Variants in PLCL1 observed in about 807,000 individuals in gnomAD.
The protein encoded by PLCL1 is phospholipase C like 1 (inactive).
PLCL1 carries 41 observed loss-of-function variants against 84.4 expected under a neutral mutation model. The ratio of observed to expected loss-of-function variants is 0.49; its 90% CI spans 0.38 to 0.63. PLCL1 has a LOEUF of 0.63. Among genes scored for constraint, PLCL1 ranks in the 30% least tolerant of loss-of-function variants. The pLI, the probability that PLCL1 is intolerant of heterozygous loss-of-function variation, is 0.00. For missense variants in PLCL1, 1,206 were observed against 1,367.8 expected, an observed-to-expected ratio of 0.88 and a Z score of 1.87; for synonymous variants, 490 against 488.3, an observed-to-expected ratio of 1.00 and a Z score of -0.05.
intron 1 of PLCL1, among the ~76,000 whole-genome samples, chr2:198,009,010 A>T (rs1690801736): frequency 6.6e-6 from 1 of 151,986 alleles, no homozygotes; most frequent in South Asian, 2.1e-4. Context: ...TCTTTGGAGA[A>T]ATGTCAGTTT....
intron 1 of PLCL1, among the ~76,000 whole-genome samples, chr2:197,968,152 A>T (rs1301391688): frequency 6.6e-6 from 1 of 152,228 alleles, no homozygotes; most frequent in East Asian, 1.9e-4. Context: ...TTAGAATTTC[A>T]AGGTTCTGAA....
At chr2:197,893,665 T>C (rs534766500) in intron 1 of PLCL1, among the ~76,000 whole-genome samples, 2 of 152,306 alleles carry the variant, frequency 1.3e-5, no homozygotes, top group South Asian at 4.1e-4. Context: ...CGGTGTGTTT[T>C]CATCTCAGCA....
rs570723141 is a variant in PLCL1 at position 198,147,964 on chromosome 2, T to C, written c.*1002T>C. ...ATCATATCATCACATTGAGCTGATATAAATTCTGTGGGTCCGATAATATCT... is the reference window on the plus strand; with the variant it reads ...ATCATATCATCACATTGAGCTGATACAAATTCTGTGGGTCCGATAATATCT... On this transcript the variant is annotated 3_prime_UTR_variant, in exon 6 of 6. Coordinates refer to ENST00000428675, the MANE Select transcript of PLCL1 (RefSeq NM_006226.4). 7 of 152,416 alleles carry C rather than the reference T, an allele frequency of 4.6e-5. No homozygotes were observed. In the South Asian group the frequency reaches 1.5e-3, roughly 32 times the overall value. 9.4% of individuals were successfully genotyped at this position (152,416 alleles called of 1,614,324 possible). A position where few individuals can be genotyped will look rare whatever the true frequency, so the allele number is the denominator to read the frequency against.
At chr2:198,042,030 C>A (rs752966478) in intron 1 of PLCL1, among the ~76,000 whole-genome samples, 2 of 152,170 alleles carry the variant, frequency 1.3e-5, no homozygotes, top group African/African-American at 2.4e-5. Context: ...TTCTATCCTC[C>A]GCCTTTCCAG....
intron 5 of PLCL1, among the ~76,000 whole-genome samples, chr2:198,142,688 G>C (rs1234714801): frequency 6.6e-6 from 1 of 152,070 alleles, no homozygotes; most frequent in Non-Finnish European, 1.5e-5. Context: ...GAGGCTAAAT[G>C]GTGGCCATTG....
chr2:197,834,610 C>T (rs549541467), intron 1 of PLCL1, among the ~76,000 whole-genome samples: 28 of 152,302 alleles, frequency 1.8e-4, no homozygotes, highest in African/African-American at 4.6e-4. Flanking sequence ...TACCATCTCA[C>T]GCCAGTTAGA....
chr2:198,018,496 G>C (rs1234336616), intron 1 of PLCL1, among the ~76,000 whole-genome samples: 1 of 152,174 alleles, frequency 6.6e-6, no homozygotes, highest in Non-Finnish European at 1.5e-5. Context: ...AATTCTTGCT[G>C]CCAGCACAGC....
chr2:198,118,741 G>C (rs1267511533), intron 5 of PLCL1, among the ~76,000 whole-genome samples: 1 of 151,964 alleles, frequency 6.6e-6, no homozygotes, highest in Non-Finnish European at 1.5e-5. Flanking sequence ...ACAACCGTAG[G>C]GGGTGCCATT....
intron 1 of PLCL1, among the ~76,000 whole-genome samples, chr2:197,837,485 T>C (rs994898511): frequency 1.3e-5 from 2 of 152,204 alleles, no homozygotes; most frequent in African/African-American, 2.4e-5. Context: ...TATGTTAGAA[T>C]TGCGCCTCAA....
intron 1 of PLCL1, among the ~76,000 whole-genome samples, chr2:197,813,855 A>G (rs893990544): frequency 6.6e-6 from 1 of 152,150 alleles, no homozygotes; most frequent in African/African-American, 2.4e-5. Flanking sequence ...TTTATGCTAT[A>G]TGTTCTTATC....
rs182895470 is a variant in PLCL1, at chr2:197,863,051, C to T, written c.240+57712C>T. The stretch of plus-strand genomic sequence containing the variant: ...TCAATAATATGTCTTAAATTAGAGA[C>T]GGTTGTTAGAAAAGGATATTTTAGC... On this transcript the variant is annotated intron_variant, in intron 1 of 5. Transcript: ENST00000428675. 6.7e-3 allele frequency among the ~76,000 whole-genome samples: 1,011 copies of T among 151,828 alleles called. 9 individuals carry two copies. Among genetic ancestry groups the T allele is most frequent in the South Asian group, 0.017 (82 of 4,820 alleles).
intron 1 of PLCL1, among the ~76,000 whole-genome samples, chr2:197,887,252 T>C (rs1334150535): frequency 6.6e-6 from 1 of 152,206 alleles, no homozygotes; most frequent in Non-Finnish European, 1.5e-5. Flanking sequence ...TGTTTTACAT[T>C]GGAGTGTAGT....
chr2:197,974,239 A>G (rs1689923593), intron 1 of PLCL1, among the ~76,000 whole-genome samples: 1 of 152,174 alleles, frequency 6.6e-6, no homozygotes, highest in Non-Finnish European at 1.5e-5. Flanking sequence ...GGCCTAATAG[A>G]TATTGAAGGA....
chr2:197,849,667 G>T (rs202234161), intron 1 of PLCL1, among the ~76,000 whole-genome samples: 76 of 82,034 alleles, frequency 9.3e-4, no homozygotes, highest in African/African-American at 2.1e-3. Context: ...ACCTTAAAAT[G>T]TTTTTTTTCT....
chr2:198,043,756 A>G (rs1247907033), intron 1 of PLCL1, among the ~76,000 whole-genome samples: 1 of 152,116 alleles, frequency 6.6e-6, no homozygotes, highest in East Asian at 1.9e-4. Context: ...GTGGCAGAGA[A>G]GGGGATGGTG....
At chr2:198,053,016 T>TG (rs1691979204) in intron 1 of PLCL1, among the ~76,000 whole-genome samples, 1 of 152,192 alleles carries the variant, frequency 6.6e-6, no homozygotes, top group South Asian at 2.1e-4. Context: ...AGTGGAGACT[T>TG]GGGAAAAAGT....
chr2:197,881,153 A>G (rs1687820373), intron 1 of PLCL1, among the ~76,000 whole-genome samples: 2 of 152,122 alleles, frequency 1.3e-5, no homozygotes, highest in Non-Finnish European at 2.9e-5. Flanking sequence ...CATGTAGTAT[A>G]TGCTCACTTT....
At chr2:198,014,431 A>G (rs1690944330) in intron 1 of PLCL1, among the ~76,000 whole-genome samples, 1 of 152,108 alleles carries the variant, frequency 6.6e-6, no homozygotes, top group Non-Finnish European at 1.5e-5. Flanking sequence ...AAGTGAGCAC[A>G]ATGGTAGGAC....
chr2:197,882,261 A>G (rs1687842868), intron 1 of PLCL1, among the ~76,000 whole-genome samples: 1 of 152,124 alleles, frequency 6.6e-6, no homozygotes, highest in African/African-American at 2.4e-5. Flanking sequence ...AGCATGTTCC[A>G]AGAAGTTAAG....
Sources: allele counts gnomAD v4.1 joint callset (sites outside exome capture counted in the v4.1 genomes callset), GRCh38; gene constraint gnomAD v4.1.1; transcripts MANE v1.5; gene names NCBI Gene and HGNC (gene_info 2026-07-23, HGNC 2026-07-21).